RNGTT: variants seen among roughly 807,000 people sequenced by gnomAD.
RNGTT encodes the protein mRNA-capping enzyme.
A neutral mutation model predicts 79.3 loss-of-function variants in RNGTT; 33 were observed. The observed-to-expected ratio is 0.42, with a 90% CI of 0.32 to 0.56. RNGTT has a LOEUF of 0.56. RNGTT is among the 20% of genes least tolerant of loss of function. The pLI, the probability that RNGTT is intolerant of heterozygous loss-of-function variation, is 0.17. For missense variants in RNGTT, 497 were observed against 739.1 expected (o/e 0.67, Z 3.80); for synonymous variants, 222 against 235.9 (o/e 0.94, Z 0.54).
chr6:88,954,605 TAG>T (rs1785365746), intron 1 of RNGTT, among the ~76,000 whole-genome samples: 3 of 151,840 alleles, frequency 2.0e-5, no homozygotes, highest in Non-Finnish European at 4.4e-5. Context: ...AAAAAAAGAA[TAG>T]AGTTAAATAT....
rs540703750 is a variant in RNGTT at position 88,611,047 on chromosome 6, C to T, written c.*1672G>A. On this transcript the variant is annotated 3_prime_UTR_variant, in exon 16 of 16. Transcript: ENST00000369485. ...GCATCAGTTGTTTTAATCCCTTTAG[C>T]GCCCAAATGTGCAAAAACACTCTAG... 2.0e-5 allele frequency: 3 copies of T among 152,160 alleles called. No individual in the cohort carries two copies. Among genetic ancestry groups the T allele is most frequent in the Admixed American group, 6.5e-5 (1 of 15,288 alleles). 9.4% of individuals were successfully genotyped at this position (152,160 alleles called of 1,614,324 possible).
chr6:88,857,564 C>T (rs2127910822), intron 8 of RNGTT, among the ~76,000 whole-genome samples: 1 of 152,206 alleles, frequency 6.6e-6, no homozygotes, highest in Non-Finnish European at 1.5e-5. Context: ...GTCCATCATT[C>T]AGCAAATAGG....
intron 9 of RNGTT, among the ~76,000 whole-genome samples, chr6:88,851,879 T>C (rs1013258733): frequency 2.6e-5 from 4 of 151,990 alleles, no homozygotes; most frequent in Non-Finnish European, 1.5e-5. Flanking sequence ...TTCACAAGAA[T>C]CTATTATGCC....
chr6:88,938,648 T>G (rs1247096948), intron 2 of RNGTT, among the ~76,000 whole-genome samples: 1 of 152,214 alleles, frequency 6.6e-6, no homozygotes, highest in Non-Finnish European at 1.5e-5. Flanking sequence ...TTGGTGGTAT[T>G]GTGTAGTGGT....
intron 2 of RNGTT, among the ~76,000 whole-genome samples, chr6:88,938,428 T>C (rs1385848178): frequency 6.6e-6 from 1 of 152,196 alleles, no homozygotes; most frequent in Non-Finnish European, 1.5e-5. Flanking sequence ...GTCTTTACAG[T>C]TGAGATGAGT....
chr6:88,739,763 ATATATATATATATATG>A (rs1286629542), intron 13 of RNGTT, among the ~76,000 whole-genome samples: 3 of 60,204 alleles, frequency 5.0e-5, no homozygotes, highest in Non-Finnish European at 8.4e-5. Flanking sequence ...ATATATATAT[ATATATATATATATATG>A]TTAACACATG....
intron 11 of RNGTT, among the ~76,000 whole-genome samples, chr6:88,823,546 T>C (rs990565617): frequency 6.6e-6 from 1 of 151,682 alleles, no homozygotes; most frequent in African/African-American, 2.4e-5. Context: ...ATCCAAGATA[T>C]GTAAAGAACT....
intron 11 of RNGTT, among the ~76,000 whole-genome samples, chr6:88,815,140 T>C (rs1275493901): frequency 2.0e-5 from 3 of 152,162 alleles, no homozygotes; most frequent in Non-Finnish European, 4.4e-5. Context: ...CCTGAACTTT[T>C]GGGAGGAGAT....
intron 11 of RNGTT, among the ~76,000 whole-genome samples, chr6:88,824,458 A>G (rs1780590809): frequency 6.6e-6 from 1 of 152,242 alleles, no homozygotes; most frequent in South Asian, 2.1e-4. Flanking sequence ...AACACTGTTA[A>G]GTGGCACACA....
chr6:88,781,231 C>A (rs180852210), intron 12 of RNGTT, among the ~76,000 whole-genome samples: 2 of 152,126 alleles, frequency 1.3e-5, no homozygotes, highest in Non-Finnish European at 2.9e-5. Context: ...TGTAAAAATG[C>A]AATAATAGCA....
chr6:88,613,158 A>AATC (rs1439368701), intron 15 of RNGTT, among the ~76,000 whole-genome samples: 2 of 152,148 alleles, frequency 1.3e-5, no homozygotes, highest in Admixed American at 6.5e-5. Flanking sequence ...TCCCTCCCAA[A>AATC]CCAGTTTTTA....
rs1297417157 is a variant in RNGTT at position 88,889,373 on chromosome 6, A to C, written c.896+1122T>G. On this transcript the variant is annotated intron_variant, in intron 8 of 15. Transcript: ENST00000369485. Reference sequence around the variant, plus strand: ...GTTAAAATATCATTATAGTCACCTAATAATGAAAATAGGTTGTATCTGCTC... The same window carrying C: ...GTTAAAATATCATTATAGTCACCTACTAATGAAAATAGGTTGTATCTGCTC... Among the ~76,000 whole-genome samples the C allele has an allele frequency of 2.0e-5, 3 of 152,180 alleles. No individual in the cohort carries two copies. The East Asian group carries it at 5.8e-4, about 29-fold the overall frequency.
Position 88,859,858 on chromosome 6 carries a change from G to A in RNGTT, c.897-6094C>T, listed in dbSNP as rs76778796. 2.8e-3 allele frequency among the ~76,000 whole-genome samples: 428 copies of A among 152,280 alleles called. 1 individual carries two copies. Among genetic ancestry groups the A allele is most frequent in the African/African-American group, 9.6e-3 (397 of 41,564 alleles). Reference sequence around the variant, plus strand: ...TGCTCCCAGTGGTAAAACTTAACACGAAGTAAGCTGGCAAGGGAGTCTGGG... The same window carrying A: ...TGCTCCCAGTGGTAAAACTTAACACAAAGTAAGCTGGCAAGGGAGTCTGGG... On this transcript the variant is annotated intron_variant, in intron 8 of 15. Coordinates refer to ENST00000369485, the MANE Select transcript of RNGTT (RefSeq NM_003800.5).
intron 1 of RNGTT, among the ~76,000 whole-genome samples, chr6:88,946,879 C>T (rs1166458175): frequency 5.1e-5 from 7 of 136,132 alleles, no homozygotes; most frequent in South Asian, 2.6e-4. Context: ...CCCCTAACCG[C>T]GAGTGATCCG....
At chr6:88,672,900 G>C (rs1435792737) in intron 14 of RNGTT, among the ~76,000 whole-genome samples, 1 of 152,024 alleles carries the variant, frequency 6.6e-6, no homozygotes. Context: ...GTGTTCAGCT[G>C]TAGGAATAAT....
chr6:88,931,187 TAA>T (rs34070183), intron 2 of RNGTT, among the ~76,000 whole-genome samples: 1,255 of 101,914 alleles, frequency 0.012, 22 homozygotes, highest in East Asian at 0.11. Context: ...TATAAAGCTG[TAA>T]AAAAAAAAAA....
At chr6:88,702,526 G>A (rs1422370478) in intron 13 of RNGTT, among the ~76,000 whole-genome samples, 1 of 152,018 alleles carries the variant, frequency 6.6e-6, no homozygotes, top group East Asian at 1.9e-4. Flanking sequence ...AATGAAACTA[G>A]ACCCCTATCT....
intron 14 of RNGTT, among the ~76,000 whole-genome samples, chr6:88,623,255 AAAT>A (rs745310632): frequency 6.6e-6 from 1 of 152,154 alleles, no homozygotes; most frequent in South Asian, 2.1e-4. Context: ...AATGCAATGG[AAAT>A]AATGTCTCTA....
intron 1 of RNGTT, among the ~76,000 whole-genome samples, chr6:88,961,532 GT>G (rs1044037404): frequency 1.3e-5 from 2 of 152,074 alleles, no homozygotes; most frequent in Non-Finnish European, 2.9e-5. Context: ...CGTCTCCTGG[GT>G]TCAAGTGATT....
Sources: allele counts gnomAD v4.1 joint callset (sites outside exome capture counted in the v4.1 genomes callset), GRCh38; gene constraint gnomAD v4.1.1; transcripts MANE v1.5; gene names NCBI Gene and HGNC (gene_info 2026-07-23, HGNC 2026-07-21).